Variants in DOCK8 observed in about 807,000 individuals in gnomAD.
DOCK8 encodes dedicator of cytokinesis 8.
DOCK8 carries 141 observed loss-of-function variants against 245.6 expected under a neutral mutation model. The observed-to-expected ratio is 0.57, with a 90% CI of 0.50 to 0.66. The LOEUF (loss-of-function observed/expected upper bound fraction) is 0.66. DOCK8 is among the 30% of genes least tolerant of loss of function. DOCK8 has a pLI of 0.00. For synonymous variants in DOCK8, 1,168 were observed against 970.2 expected (o/e 1.20, Z -3.79); for missense variants, 2,965 against 2,603.4 (o/e 1.14, Z -3.02).
intron 18 of DOCK8, among the ~76,000 whole-genome samples, chr9:375,904 G>A (rs2053494876): frequency 6.6e-6 from 1 of 152,136 alleles, no homozygotes; most frequent in South Asian, 2.1e-4. Flanking sequence ...GACTGAGACG[G>A]GAGGATCATT....
intron 37 of DOCK8, 94 bp downstream of exon 37, chr9:432,418 T>C (rs1351435683): frequency 8.4e-7 from 1 of 1,193,934 alleles, no homozygotes; most frequent in Admixed American, 2.1e-5. Context: ...AATTTATATA[T>C]AAATATATAA....
At chr9:290,706 G>A (rs2049002964) in intron 4 of DOCK8, among the ~76,000 whole-genome samples, 1 of 152,156 alleles carries the variant, frequency 6.6e-6, no homozygotes, top group South Asian at 2.1e-4. Context: ...CTACAGATTA[G>A]GGCACACCCC....
chr9:391,866 T>C (rs190753407), intron 24 of DOCK8, among the ~76,000 whole-genome samples: 80 of 142,964 alleles, frequency 5.6e-4, no homozygotes, highest in Middle Eastern at 3.6e-3. Context: ...AGGCTGGGTG[T>C]GGTGGCTCAC....
At chr9:371,373 G>C (rs777027795) in intron 16 of DOCK8, 55 bp from the exon 17 acceptor site, 1 of 1,608,726 alleles carries the variant, frequency 6.2e-7, no homozygotes, top group Non-Finnish European at 8.5e-7. Context: ...TTTACAATCA[G>C]AGAAGTCATC....
chr9:386,340 C>T lies in DOCK8; in HGVS notation c.2788C>T (p.Arg930Cys), dbSNP rs756275384. Reference protein sequence around the residue: ...KNIMSSKIADRNCSRMSYYCS... With the variant: ...KNIMSSKIADCNCSRMSYYCS... ...GGTTTGTGTATTTTAGATCGCCGAT[C>T]GCAACTGCAGCCGAATGTCTTACTA... Residue 930 changes from arginine to cysteine, a missense_variant, in exon 23 of 48, where the codon CGC (arginine) becomes TGC (cysteine). Arg to Cys is a radical substitution (Grantham distance 180, BLOSUM62 -3). Transcript: ENST00000432829. 6.2e-6 allele frequency: 10 copies of T among 1,613,518 alleles called. No individual in the cohort carries two copies. Among genetic ancestry groups the T allele is most frequent in the East Asian group, 4.5e-5 (2 of 44,880 alleles).
chr9:214,768 G>T, upstream of DOCK8: 2 of 1,537,088 alleles, frequency 1.3e-6, no homozygotes, highest in East Asian at 2.6e-5. Context: ...GCGCCAGGCC[G>T]GGTGGCGGAG....
intron 7 of DOCK8, among the ~76,000 whole-genome samples, chr9:324,071 A>G (rs2050643944): frequency 6.6e-6 from 1 of 152,252 alleles, no homozygotes; most frequent in Admixed American, 6.5e-5. Context: ...TTTGCAGATA[A>G]ATAAATGGAA....
intron 46 of DOCK8, among the ~76,000 whole-genome samples, chr9:454,153 T>G (rs763762945): frequency 1.3e-5 from 2 of 152,178 alleles, no homozygotes; most frequent in Non-Finnish European, 2.9e-5. Flanking sequence ...AATCTTGTCT[T>G]GACTATATAC....
At position 311,964 on chromosome 9, in the gene DOCK8, G is replaced by A. The variant is rs369412510; in HGVS notation, c.539G>A (p.Arg180His). ...CSEPAAQAGP[R>H]HLNVLCDVSG... is the part of the protein sequence containing the mutation. Reference sequence around the variant, plus strand: ...TGTTTTCTCTCACAGGCAGGCCCCCGCCACTTAAACGTGCTGTGCGACGTG... The same window carrying A: ...TGTTTTCTCTCACAGGCAGGCCCCCACCACTTAAACGTGCTGTGCGACGTG... Residue 180 changes from arginine (R) to histidine (H), a missense_variant, in exon 6 of 48, where the codon CGC becomes CAC. By Grantham distance (29) the Arg-to-His change is conservative (BLOSUM62 0). This residue lies in a region of DOCK8 where 2,825 missense variants were observed against 2,453.5 expected (regional missense o/e 1.15). Transcript: ENST00000432829. 6.4e-5 allele frequency: 104 copies of A among 1,613,810 alleles called. No individual in the cohort carries two copies. The highest frequency in any genetic ancestry group is 3.3e-4 in the Middle Eastern group (2 of 6,062).
intron 13 of DOCK8, among the ~76,000 whole-genome samples, chr9:339,659 T>C (rs2051485575): frequency 6.6e-6 from 1 of 152,142 alleles, no homozygotes; most frequent in African/African-American, 2.4e-5. Context: ...GGACTACAGG[T>C]GCCTGCCACC....
At chr9:390,705 CT>C in intron 24 of DOCK8, 139 bp downstream of exon 24, 6 of 772,498 alleles carry the variant, frequency 7.8e-6, no homozygotes, top group Non-Finnish European at 1.1e-5. Context: ...TCTCTCACCC[CT>C]CCCATCCTTC....
intron 5 of DOCK8, among the ~76,000 whole-genome samples, chr9:311,473 G>C (rs1479925809): frequency 6.8e-6 from 1 of 146,032 alleles, no homozygotes; most frequent in South Asian, 2.2e-4. Context: ...GGCTAGTCTT[G>C]AACTCCCGGC....
In DOCK8 at chr9:340,182, A is replaced by G. The variant is rs1233242203; in HGVS notation, c.1540A>G (p.Thr514Ala). The change falls in exon 14 of 48, where the codon ACA becomes GCA. Residue 514 changes from threonine (T) to alanine (A), a missense_variant. Around this residue, in one of 3 missense-constraint regions of DOCK8, gnomAD observed 2,825 missense variants for 2,453.5 expected, o/e 1.15. Coordinates refer to ENST00000432829, the MANE Select transcript of DOCK8 (RefSeq NM_203447.4). ...AGGCTTGCTAAGACTGGAGATTTCT[A>G]CAGCTCCAGAGATCATCAATTGCTG... Reference protein sequence around the residue: ...IPGLLRLEISTAPEIINCCLT... With the variant: ...IPGLLRLEISAAPEIINCCLT... 5.0e-6 allele frequency: 8 copies of G among 1,614,120 alleles called. No homozygotes were observed. Among genetic ancestry groups the G allele is most frequent in the African/African-American group, 1.3e-5 (1 of 75,024 alleles).
upstream of DOCK8, chr9:214,306 G>A (rs2046680473): frequency 3.5e-6 from 2 of 567,066 alleles, no homozygotes; most frequent in African/African-American, 4.0e-5. Context: ...ATTCACGCCA[G>A]GTTGTGACGA....
intron 2 of DOCK8, among the ~76,000 whole-genome samples, chr9:277,606 G>A (rs2048411897): frequency 6.8e-6 from 1 of 148,014 alleles, no homozygotes; most frequent in Non-Finnish European, 1.5e-5. Context: ...ATGCCCTAAG[G>A]AAGTAAGGAG....
At chr9:425,391 G>C (rs1370416428) in intron 33 of DOCK8, among the ~76,000 whole-genome samples, 1 of 152,008 alleles carries the variant, frequency 6.6e-6, no homozygotes, top group East Asian at 1.9e-4. Flanking sequence ...AAGTAGCCGG[G>C]CGCGGTGGCG....
chr9:307,734 A>G (rs892572309), intron 5 of DOCK8, among the ~76,000 whole-genome samples: 2 of 152,110 alleles, frequency 1.3e-5, no homozygotes, highest in Non-Finnish European at 2.9e-5. Flanking sequence ...AGAGGAAAGG[A>G]TATCAGTATA....
chr9:281,528 C>T (rs1194956127), intron 2 of DOCK8, among the ~76,000 whole-genome samples: 2 of 152,138 alleles, frequency 1.3e-5, no homozygotes, highest in Non-Finnish European at 2.9e-5. Flanking sequence ...ATTCCCTACC[C>T]GACCCTGTTT....
intron 14 of DOCK8, among the ~76,000 whole-genome samples, chr9:351,810 G>A (rs2052183275): frequency 1.3e-5 from 2 of 152,226 alleles, no homozygotes; most frequent in East Asian, 3.8e-4. Context: ...TCCCTAGACA[G>A]CTCTCTAGCA....
Sources: gnomAD v4.1 joint callset for allele counts (sites outside exome capture counted in the v4.1 genomes callset) on GRCh38, gnomAD v4.1.1 for gene constraint, gnomAD v4.1.1 regional missense constraint, MANE v1.5 for transcripts, NCBI Gene and HGNC (gene_info 2026-07-23, HGNC 2026-07-21) for gene names.